DEFB131B: variants seen among roughly 807,000 people sequenced by gnomAD.
DEFB131B encodes beta-defensin 131B.
A neutral mutation model predicts 2.1 loss-of-function variants in DEFB131B; 2 were observed. The observed-to-expected ratio is 0.94, with a 90% CI of 0.38 to 2.95. The LOEUF (loss-of-function observed/expected upper bound fraction) is 2.95, where lower values mean the gene tolerates loss of function less well. DEFB131B is among the 30% of genes most tolerant of loss of function. The pLI is 0.09. For missense variants in DEFB131B, 77 were observed against 78.5 expected (o/e 0.98, Z 0.07); for synonymous variants, 26 against 25.8 (o/e 1.01, Z -0.03).
chr11:71,881,301 A>T (rs937781683), intron 1 of DEFB131B, among the ~76,000 whole-genome samples: 1 of 152,214 alleles, frequency 6.6e-6, no homozygotes, highest in South Asian at 2.1e-4. Context: ...TTTCACTTAA[A>T]GTCAATTTTG....
chr11:71,883,439 CTT>C (rs1184775446), intron 1 of DEFB131B, among the ~76,000 whole-genome samples: 1 of 152,120 alleles, frequency 6.6e-6, no homozygotes, highest in East Asian at 1.9e-4. Flanking sequence ...TCAACTGACA[CTT>C]ATAAAGTCAA....
chr11:71,881,769 G>C (rs1246821126), intron 1 of DEFB131B, among the ~76,000 whole-genome samples: 2 of 152,116 alleles, frequency 1.3e-5, no homozygotes, highest in Non-Finnish European at 2.9e-5. Flanking sequence ...ATCAAGGAAA[G>C]AATCAGTGAG....
At chr11:71,883,923 C>G (rs1259699083) in intron 1 of DEFB131B, among the ~76,000 whole-genome samples, 2 of 152,144 alleles carry the variant, frequency 1.3e-5, no homozygotes, top group Non-Finnish European at 2.9e-5. Flanking sequence ...AACAGAGAAG[C>G]AACCAAAGAT....
At chr11:71,878,776 G>A (rs560903111) in intron 1 of DEFB131B, among the ~76,000 whole-genome samples, 2 of 152,030 alleles carry the variant, frequency 1.3e-5, no homozygotes, top group South Asian at 4.2e-4. Context: ...GGGTGAGCTT[G>A]GGAGTTCTAG....
At chr11:71,878,918 T>C (rs1377198605) in intron 1 of DEFB131B, among the ~76,000 whole-genome samples, 1 of 152,170 alleles carries the variant, frequency 6.6e-6, no homozygotes, top group Non-Finnish European at 1.5e-5. Context: ...GAGGATCGCT[T>C]GAGCCTGAGA....
At chr11:71,883,997 T>G (rs2121358731) in intron 1 of DEFB131B, among the ~76,000 whole-genome samples, 1 of 152,322 alleles carries the variant, frequency 6.6e-6, no homozygotes, top group Middle Eastern at 3.4e-3. Flanking sequence ...ATAATCTGCC[T>G]TCTCTTCACT....
At chr11:71,883,016 T>C (rs1190719952) in intron 1 of DEFB131B, among the ~76,000 whole-genome samples, 1 of 152,088 alleles carries the variant, frequency 6.6e-6, no homozygotes, top group East Asian at 1.9e-4. Flanking sequence ...AAAGATAAGA[T>C]ATTTAAGAAT....
chr11:71,881,079 T>C (rs1452288379), intron 1 of DEFB131B, among the ~76,000 whole-genome samples: 1 of 152,234 alleles, frequency 6.6e-6, no homozygotes, highest in Non-Finnish European at 1.5e-5. Context: ...GCTTTCTACC[T>C]AGATGATCTG....
At chr11:71,884,211 A>T in intron 1 of DEFB131B, 196 bp from the exon 2 acceptor site, 1 of 522,862 alleles carries the variant, frequency 1.9e-6, no homozygotes, top group Non-Finnish European at 3.2e-6. Context: ...TGCCTCATTT[A>T]CTACTCTCTT....
At chr11:71,882,350 G>A (rs1369937553) in intron 1 of DEFB131B, among the ~76,000 whole-genome samples, 1 of 152,042 alleles carries the variant, frequency 6.6e-6, no homozygotes, top group African/African-American at 2.4e-5. Context: ...TCCGCTTCCT[G>A]GGTCCAAGCA....
intron 1 of DEFB131B, among the ~76,000 whole-genome samples, chr11:71,883,407 A>G (rs568333656): frequency 6.6e-6 from 1 of 152,324 alleles, no homozygotes; most frequent in African/African-American, 2.4e-5. Context: ...AGGCCACTGG[A>G]AGAGAATAGA....
chr11:71,879,520 A>T (rs1385903613), intron 1 of DEFB131B, among the ~76,000 whole-genome samples: 2 of 152,188 alleles, frequency 1.3e-5, no homozygotes. Flanking sequence ...TCCCTCATTT[A>T]TATAATACTT....
chr11:71,883,803 G>C (rs893016638), intron 1 of DEFB131B, among the ~76,000 whole-genome samples: 1 of 152,172 alleles, frequency 6.6e-6, no homozygotes, highest in African/African-American at 2.4e-5. Context: ...AACTTCCTCA[G>C]TAAAGGAGAC....
Position 71,878,528 on chromosome 11 carries a change from T to G in DEFB131B, c.58+18T>G. On this transcript the variant is annotated intron_variant, in intron 1 of 1. Coordinates refer to ENST00000530210, the MANE Select transcript of DEFB131B (RefSeq NM_001242853.1). ...TCCTCCAAGTAAGGCAGAAACTTTT[T>G]TATTCCAAAGTTCTAAAAATATAAG... 1 of 1,606,536 alleles carries G rather than the reference T, an allele frequency of 6.2e-7. No homozygotes were observed. Among genetic ancestry groups the G allele is most frequent in the Non-Finnish European group, 8.5e-7 (1 of 1,178,270 alleles).
chr11:71,882,557 A>G (rs1952576427), intron 1 of DEFB131B, among the ~76,000 whole-genome samples: 1 of 152,236 alleles, frequency 6.6e-6, no homozygotes, highest in South Asian at 2.1e-4. Flanking sequence ...GTAAAAATAC[A>G]TAATTTTCTT....
intron 1 of DEFB131B, among the ~76,000 whole-genome samples, chr11:71,881,607 G>A (rs1952563074): frequency 6.6e-6 from 1 of 151,780 alleles, no homozygotes; most frequent in South Asian, 2.1e-4. Flanking sequence ...GCCATACCCT[G>A]GGAGTCTCAT....
intron 1 of DEFB131B, 165 bp from the exon 2 acceptor site, chr11:71,884,242 G>C: frequency 1.3e-6 from 1 of 748,184 alleles, no homozygotes; most frequent in South Asian, 2.8e-5. Flanking sequence ...ATCATCGTTT[G>C]TCTTTATTCA....
intron 1 of DEFB131B, among the ~76,000 whole-genome samples, chr11:71,879,249 T>G (rs1431293277): frequency 6.6e-6 from 1 of 151,796 alleles, no homozygotes; most frequent in Non-Finnish European, 1.5e-5. Flanking sequence ...AAAACTCATA[T>G]GATATCATTT....
intron 1 of DEFB131B, among the ~76,000 whole-genome samples, chr11:71,880,322 ACT>A (rs1952552275): frequency 6.6e-6 from 1 of 152,020 alleles, no homozygotes; most frequent in African/African-American, 2.4e-5. Context: ...TTTATAACAG[ACT>A]CTAATGATCC....
Sources: gnomAD v4.1 joint callset for allele counts (sites outside exome capture counted in the v4.1 genomes callset) on GRCh38, gnomAD v4.1.1 for gene constraint, MANE v1.5 for transcripts, NCBI Gene and HGNC (gene_info 2026-07-23, HGNC 2026-07-21) for gene names.